Variants in ERI3 observed in about 807,000 individuals in gnomAD.
ERI3 encodes the protein ERI1 exoribonuclease 3.
ERI3 carries 18 observed loss-of-function variants against 44.4 expected under a neutral mutation model. The ratio of observed to expected loss-of-function variants is 0.41; its 90% CI spans 0.28 to 0.60. ERI3 has a LOEUF of 0.60. Among genes scored for constraint, ERI3 ranks in the 20% least tolerant of loss-of-function variants. The pLI is 0.36. For synonymous variants in ERI3, 183 were observed against 164.8 expected (o/e 1.11, Z -0.84); for missense variants, 294 against 435.5 (o/e 0.68, Z 2.89).
intron 8 of ERI3, chr1:44,242,077 G>A (rs760337422): frequency 1.0e-6 from 1 of 985,566 alleles, no homozygotes; most frequent in Non-Finnish European, 1.2e-6. Flanking sequence ...GGCCAGTGCA[G>A]ACCCTGTCAA....
intron 1 of ERI3, 131 bp from the exon 2 acceptor site, chr1:44,353,056 C>T (rs1646928391): frequency 1.3e-6 from 2 of 1,505,662 alleles, no homozygotes; most frequent in Non-Finnish European, 8.9e-7. Flanking sequence ...AAAGACAGTG[C>T]CCCCACAGAG....
rs771653159 is a variant in ERI3, at chr1:44,221,606, T to G, written c.966A>C (p.Thr322=). The change falls in exon 9 of 9, where the codon ACA becomes ACC. Residue 322 remains threonine (T), a synonymous_variant. Coordinates refer to ENST00000372257, the MANE Select transcript of ERI3 (RefSeq NM_024066.3). This position sits in a 1 kb window ranked among gnomAD's most constrained non-coding sequence, Gnocchi z 5.9. ...TGAAGATGAAGCCTCGATAGGCGAG[T>G]GTCTTCATGATGTTGGCAATGTTCT... The part of the protein sequence containing the change: ...DCKNIANIMK[T]LAYRGFIFKQ... 2 of 1,614,024 alleles carry G rather than the reference T, an allele frequency of 1.2e-6. No homozygotes were observed. The highest frequency in any genetic ancestry group is 1.1e-5 in the South Asian group (1 of 91,086).
intron 2 of ERI3, among the ~76,000 whole-genome samples, chr1:44,343,685 T>C (rs1443701782): frequency 1.3e-5 from 2 of 152,192 alleles, no homozygotes; most frequent in Non-Finnish European, 2.9e-5. Context: ...AGAACATTCC[T>C]AGGACAACTG....
intron 6 of ERI3, among the ~76,000 whole-genome samples, chr1:44,296,507 CTA>C (rs1645615204): frequency 6.6e-6 from 1 of 152,202 alleles, no homozygotes; most frequent in Non-Finnish European, 1.5e-5. Context: ...CAAAAATTGA[CTA>C]TGGCAATTGA....
At chr1:44,330,585 C>T (rs927059718) in intron 3 of ERI3, among the ~76,000 whole-genome samples, 1 of 152,224 alleles carries the variant, frequency 6.6e-6, no homozygotes, top group South Asian at 2.1e-4. Context: ...TACATATAAA[C>T]GCTTTTCTGC....
chr1:44,328,595 A>G (rs1038109084), intron 3 of ERI3, among the ~76,000 whole-genome samples: 2 of 152,162 alleles, frequency 1.3e-5, no homozygotes, highest in African/African-American at 4.8e-5. Flanking sequence ...CAGTATATTT[A>G]GTATATTCAG....
chr1:44,249,776 T>C (rs1260983118), intron 7 of ERI3, among the ~76,000 whole-genome samples: 1 of 152,136 alleles, frequency 6.6e-6, no homozygotes, highest in East Asian at 1.9e-4. Flanking sequence ...GAGGAGCCGC[T>C]GAGCCTGGTC....
chr1:44,249,640 AG>A (rs926650832), intron 7 of ERI3, among the ~76,000 whole-genome samples: 2 of 152,186 alleles, frequency 1.3e-5, no homozygotes, highest in African/African-American at 4.8e-5. Flanking sequence ...CCCAGGCCAC[AG>A]CTGAACCCAC....
chr1:44,247,431 T>A (rs1028059095), intron 8 of ERI3, among the ~76,000 whole-genome samples: 3 of 152,202 alleles, frequency 2.0e-5, no homozygotes, highest in Non-Finnish European at 2.9e-5. Context: ...TGGAGGCTGC[T>A]GCTCCTGCGG....
At chr1:44,325,872 C>T (rs1301826423) in intron 3 of ERI3, among the ~76,000 whole-genome samples, 1 of 152,002 alleles carries the variant, frequency 6.6e-6, no homozygotes, top group African/African-American at 2.4e-5. Flanking sequence ...GGGTCTCAAA[C>T]TCCTGGCCTC....
chr1:44,249,303 C>T (rs950474321), intron 7 of ERI3, among the ~76,000 whole-genome samples: 2 of 152,172 alleles, frequency 1.3e-5, no homozygotes, highest in Admixed American at 6.5e-5. Context: ...AAGTGACTGC[C>T]AGCTGTGAGT....
At position 44,248,117 on chromosome 1, in the gene ERI3, C is replaced by A. The variant is rs914534195; in HGVS notation, c.832-79G>T. ...CCACTCACAAGGTCTTCCCCCCACC[C>A]CCCAAATCTTTCCAACAAGGAATCC... On this transcript the variant is annotated intron_variant, in intron 7 of 8. Transcript: ENST00000372257. 66 of 915,336 alleles carry A rather than the reference C, an allele frequency of 7.2e-5. No homozygotes were observed. The African/African-American group carries it at 1.0e-3, about 14-fold the overall frequency. The allele number at this position is 915,336 out of a possible 1,614,324, so 56.7% of individuals were successfully genotyped here. A position where few individuals can be genotyped will look rare whatever the true frequency, so the allele number is the denominator to read the frequency against.
At chr1:44,265,483 A>G (rs1333958032) in intron 7 of ERI3, among the ~76,000 whole-genome samples, 3 of 152,234 alleles carry the variant, frequency 2.0e-5, no homozygotes, top group African/African-American at 7.2e-5. Flanking sequence ...GGGGTACAGC[A>G]GTCAACAATA....
chr1:44,348,267 G>A (rs1343048251), intron 2 of ERI3, among the ~76,000 whole-genome samples: 1 of 152,186 alleles, frequency 6.6e-6, no homozygotes, highest in African/African-American at 2.4e-5. Flanking sequence ...CAGACAGGGA[G>A]AGAGAGAATT....
At chr1:44,278,050 C>G (rs984610681) in intron 7 of ERI3, among the ~76,000 whole-genome samples, 21 of 152,116 alleles carry the variant, frequency 1.4e-4, no homozygotes, top group African/African-American at 4.8e-4. Context: ...TTTAGTATAT[C>G]CAAGTATTAT....
At chr1:44,282,306 C>T (rs917258780) in intron 7 of ERI3, among the ~76,000 whole-genome samples, 2 of 152,048 alleles carry the variant, frequency 1.3e-5, no homozygotes, top group Non-Finnish European at 2.9e-5. Context: ...CCTTTCCCAC[C>T]TTTCTCAAGG....
chr1:44,284,001 G>A (rs1269907977), intron 7 of ERI3: 1 of 470,718 alleles, frequency 2.1e-6, no homozygotes, highest in South Asian at 1.5e-5. Context: ...CCCCCGGTGT[G>A]TTCTCCTTTC....
intron 8 of ERI3, among the ~76,000 whole-genome samples, chr1:44,234,063 A>G (rs1644249014): frequency 6.6e-6 from 1 of 151,608 alleles, no homozygotes; most frequent in South Asian, 2.1e-4. Flanking sequence ...TCCTTTGAAC[A>G]CTCCCTTTCT....
At position 44,221,394 on chromosome 1, in the gene ERI3, GCAAGGGCACAAGCCCACGC is replaced by G; in HGVS notation, c.*145_*163del. 1 of 617,928 alleles carries G rather than the reference GCAAGGGCACAAGCCCACGC, an allele frequency of 1.6e-6. No individual in the cohort carries two copies. Among genetic ancestry groups the G allele is most frequent in the African/African-American group, 1.9e-5 (1 of 53,840 alleles). 38.3% of individuals were successfully genotyped at this position (617,928 alleles called of 1,614,324 possible). ...AGAAGGGCCAAGTGGCCAAGCCCTT[GCAAGGGCACAAGCCCACGC>G]CAAGGGCATGAGCCCACAGGGCAGC... is the stretch of plus-strand genomic sequence containing the variant. On this transcript the variant is annotated 3_prime_UTR_variant, in exon 9 of 9. Transcript: ENST00000372257. The surrounding 1 kb of genome is among the most constrained non-coding windows in gnomAD (Gnocchi z 5.9).
Sources: allele counts gnomAD v4.1 joint callset (sites outside exome capture counted in the v4.1 genomes callset), GRCh38; gene constraint gnomAD v4.1.1; non-coding constraint Gnocchi (gnomAD v3.1); transcripts MANE v1.5; gene names NCBI Gene and HGNC (gene_info 2026-07-23, HGNC 2026-07-21).